Variants in SGCZ observed in about 807,000 individuals in gnomAD.
The protein encoded by SGCZ is zeta-sarcoglycan.
Under a neutral mutation model 41.3 loss-of-function variants are expected in SGCZ, and 40 were observed. That is an observed-to-expected ratio of 0.97 (90% CI 0.75 to 1.26). The LOEUF is 1.26. Ranked by LOEUF, SGCZ falls within the 50% of genes most tolerant of loss-of-function variation. The pLI is 0.00. For missense variants in SGCZ, 552 were observed against 369.8 expected, an observed-to-expected ratio of 1.49 and a Z score of -4.04; for synonymous variants, 206 against 137.5, an observed-to-expected ratio of 1.50 and a Z score of -3.49.
At chr8:14,465,282 A>AT (rs905171442) in intron 2 of SGCZ, among the ~76,000 whole-genome samples, 2 of 151,658 alleles carry the variant, frequency 1.3e-5, no homozygotes, top group South Asian at 4.1e-4. Context: ...GTTATTAAAT[A>AT]TTTTTCCAGT....
chr8:14,433,936 G>C (rs1800015673), intron 2 of SGCZ, among the ~76,000 whole-genome samples: 1 of 151,774 alleles, frequency 6.6e-6, no homozygotes, highest in Non-Finnish European at 1.5e-5. Context: ...CAGTGATCAA[G>C]AATTACTATA....
At chr8:14,607,036 T>C (rs747574879) in intron 1 of SGCZ, among the ~76,000 whole-genome samples, 4 of 152,110 alleles carry the variant, frequency 2.6e-5, no homozygotes, top group Non-Finnish European at 5.9e-5. Flanking sequence ...AATGAGAAAA[T>C]CACTGATCCG....
intron 1 of SGCZ, among the ~76,000 whole-genome samples, chr8:15,096,756 G>A (rs1353044211): frequency 1.3e-5 from 2 of 151,894 alleles, no homozygotes; most frequent in Non-Finnish European, 2.9e-5. Flanking sequence ...TGCAATCTCG[G>A]CTCACTGTAA....
chr8:14,228,765 T>C (rs896603911), intron 4 of SGCZ, among the ~76,000 whole-genome samples: 2 of 152,094 alleles, frequency 1.3e-5, no homozygotes, highest in Non-Finnish European at 2.9e-5. Context: ...CCCTCAAGAC[T>C]AGAATTACTT....
intron 1 of SGCZ, among the ~76,000 whole-genome samples, chr8:14,825,556 CATG>C (rs1802275111): frequency 6.6e-6 from 1 of 152,114 alleles, no homozygotes; most frequent in Non-Finnish European, 1.5e-5. Context: ...ACTTGAACAA[CATG>C]ATGATTTTAT....
chr8:14,933,136 G>A (rs558089265), intron 1 of SGCZ, among the ~76,000 whole-genome samples: 2 of 152,024 alleles, frequency 1.3e-5, no homozygotes, highest in East Asian at 1.9e-4. Context: ...ATAGTGTTTG[G>A]CTCACTACGT....
At chr8:14,339,553 C>T (rs1334106826) in intron 2 of SGCZ, among the ~76,000 whole-genome samples, 2 of 152,100 alleles carry the variant, frequency 1.3e-5, no homozygotes, top group Admixed American at 6.6e-5. Flanking sequence ...AATCAGTTGC[C>T]ATATCCTATG....
At chr8:14,144,211 T>C (rs1010918810) in intron 5 of SGCZ, among the ~76,000 whole-genome samples, 2 of 152,164 alleles carry the variant, frequency 1.3e-5, no homozygotes, top group Non-Finnish European at 2.9e-5. Flanking sequence ...GCACAACTCA[T>C]GGCTCCAAAT....
intron 1 of SGCZ, among the ~76,000 whole-genome samples, chr8:14,582,141 T>C (rs896216659): frequency 2.0e-5 from 3 of 152,180 alleles, no homozygotes; most frequent in African/African-American, 7.2e-5. Flanking sequence ...TAACATTTTA[T>C]TTCTCTAATT....
chr8:15,214,806 A>G (rs540798546), intron 1 of SGCZ, among the ~76,000 whole-genome samples: 1 of 152,266 alleles, frequency 6.6e-6, no homozygotes, highest in South Asian at 2.1e-4. Context: ...AATTTTAAGG[A>G]TATAATTTGG....
intron 3 of SGCZ, among the ~76,000 whole-genome samples, chr8:14,265,102 C>CA: frequency 6.6e-6 from 1 of 152,084 alleles, no homozygotes; most frequent in Non-Finnish European, 1.5e-5. Flanking sequence ...GTGACCTCAC[C>CA]AAACAGACAA....
At chr8:15,014,569 T>C (rs1415308118) in intron 1 of SGCZ, among the ~76,000 whole-genome samples, 1 of 152,200 alleles carries the variant, frequency 6.6e-6, no homozygotes, top group Non-Finnish European at 1.5e-5. Flanking sequence ...TCAAGAAACA[T>C]GAGGCTCTGG....
chr8:14,479,933 T>C (rs1462510019), intron 2 of SGCZ, among the ~76,000 whole-genome samples: 1 of 151,992 alleles, frequency 6.6e-6, no homozygotes, highest in Non-Finnish European at 1.5e-5. Flanking sequence ...TTAGTAAAGA[T>C]AGAGTTTCAC....
rs561147747 is a variant in SGCZ, at chr8:14,875,587, G to A, written c.40-320661C>T. Among the ~76,000 whole-genome samples, 613 of 152,210 alleles carry A rather than the reference G, an allele frequency of 4.0e-3. 4 individuals carry two copies. Among genetic ancestry groups the A allele is most frequent in the South Asian group, 0.018 (87 of 4,820 alleles). ...AGAGTAGCTGGCAATAAAATACTAA[G>A]AAAAGCACTGTACCACTTTGGACTG... On this transcript the variant is annotated intron_variant, in intron 1 of 7. Transcript: ENST00000382080.
In SGCZ at chr8:15,222,425, G is replaced by A. The variant is rs148128257; in HGVS notation, c.39+15160C>T. ...GAGGCACTTCCAGTTTTTCTGTCAT[G>A]GAAAATATTCCTGCCTATGAAAAAA... On this transcript the variant is annotated intron_variant, in intron 1 of 7. Coordinates refer to ENST00000382080, the MANE Select transcript of SGCZ (RefSeq NM_139167.4). 2.0e-3 allele frequency among the ~76,000 whole-genome samples: 301 copies of A among 151,844 alleles called. 2 individuals are homozygous for A. Among genetic ancestry groups the A allele is most frequent in the African/African-American group, 6.9e-3 (285 of 41,428 alleles).
chr8:15,009,303 A>C (rs10090575), intron 1 of SGCZ, among the ~76,000 whole-genome samples: 2,411 of 27,900 alleles, frequency 0.086, 82 homozygotes, highest in East Asian at 0.33. Flanking sequence ...ACTTTCAAAC[A>C]ACCAGATCTC....
At chr8:15,025,901 T>C (rs1220525737) in intron 1 of SGCZ, among the ~76,000 whole-genome samples, 1 of 152,212 alleles carries the variant, frequency 6.6e-6, no homozygotes, top group Non-Finnish European at 1.5e-5. Flanking sequence ...TTTCATCTGC[T>C]AGCCTTACAT....
At chr8:15,115,274 G>A (rs1367727025) in intron 1 of SGCZ, among the ~76,000 whole-genome samples, 3 of 152,108 alleles carry the variant, frequency 2.0e-5, no homozygotes, top group African/African-American at 4.8e-5. Flanking sequence ...GTTTCTAAAT[G>A]TCTTGGCAGC....
In SGCZ at chr8:14,358,576, G is replaced by C. The variant is rs577182975; in HGVS notation, c.235-34372C>G. On this transcript the variant is annotated intron_variant, in intron 2 of 7. Transcript: ENST00000382080. ...ATATAATGCTATAAATATTAACTTA[G>C]GAAAATAATTAGGTTAGACAAATAT... 2.0e-5 allele frequency among the ~76,000 whole-genome samples: 3 copies of C among 152,174 alleles called. No homozygotes were observed. In the East Asian group the frequency reaches 5.8e-4, roughly 29 times the overall value.
Sources: allele counts gnomAD v4.1 joint callset (sites outside exome capture counted in the v4.1 genomes callset), GRCh38; gene constraint gnomAD v4.1.1; transcripts MANE v1.5; gene names NCBI Gene and HGNC (gene_info 2026-07-23, HGNC 2026-07-21).